LPCAT2: variants seen among roughly 807,000 people sequenced by gnomAD.
The protein encoded by LPCAT2 is lysophosphatidylcholine acyltransferase 2, also known as 1-AGP acyltransferase 11.
LPCAT2 carries 58 observed loss-of-function variants against 64.7 expected under a neutral mutation model. The observed-to-expected ratio is 0.90, with a 90% CI of 0.73 to 1.12. The LOEUF (loss-of-function observed/expected upper bound fraction) is 1.12, where lower values mean the gene tolerates loss of function less well. LPCAT2 is among the 50% of genes most tolerant of loss of function. LPCAT2 has a pLI of 0.00. For synonymous variants in LPCAT2, 252 were observed against 245.3 expected (o/e 1.03, Z -0.26); for missense variants, 579 against 669.8 (o/e 0.86, Z 1.50).
At chr16:55,516,799 T>C (rs1311163953) in intron 1 of LPCAT2, among the ~76,000 whole-genome samples, 1 of 152,190 alleles carries the variant, frequency 6.6e-6, no homozygotes, top group Non-Finnish European at 1.5e-5. Context: ...CTAACAGATA[T>C]GTATGTAGAA....
In LPCAT2 at chr16:55,528,465, A is replaced by C. The variant is rs1963204177; in HGVS notation, c.400A>C (p.Ser134Arg). ...AGTTGCTGTAAAAGGAAAGATTGCA[A>C]GTCCTTTGGAAGCACCAGTTTTTGT... Reference protein sequence around the residue: ...FIVAVKGKIASPLEAPVFVAA... With the variant: ...FIVAVKGKIARPLEAPVFVAA... Residue 134 changes from serine (S) to arginine (R), a missense_variant, in exon 3 of 14, where the codon AGT becomes CGT. Ser to Arg is a moderately radical substitution (Grantham distance 110). Transcript: ENST00000262134. 1.2e-6 allele frequency: 2 copies of C among 1,614,062 alleles called. No individual in the cohort carries two copies. Among genetic ancestry groups the C allele is most frequent in the Non-Finnish European group, 1.7e-6 (2 of 1,179,968 alleles).
chr16:55,567,692 C>G, intron 11 of LPCAT2: 1 of 611,624 alleles, frequency 1.6e-6, no homozygotes, highest in South Asian at 2.3e-5. Flanking sequence ...GAAAAATGTT[C>G]TGAGTGGTTT....
intron 11 of LPCAT2, among the ~76,000 whole-genome samples, chr16:55,572,802 C>T (rs745616650): frequency 5.9e-5 from 9 of 152,160 alleles, no homozygotes; most frequent in African/African-American, 9.6e-5. Context: ...CACTGCACTC[C>T]GGCCTGGGCA....
chr16:55,549,271 T>G lies in LPCAT2; in HGVS notation c.936-6T>G. ...TGAATTTTAGTTTGCTTCTTAATAC[T>G]TTTAGAGCTCTGGGAATACCAGTAA... On this transcript the variant is annotated splice_region_variant and splice_polypyrimidine_tract_variant and intron_variant, in intron 9 of 13. Transcript: ENST00000262134. The G allele has an allele frequency of 1.9e-6, 3 of 1,551,036 alleles. No individual in the cohort carries two copies. The highest frequency in any genetic ancestry group is 2.6e-6 in the Non-Finnish European group (3 of 1,156,196).
rs549974087 is a variant in LPCAT2, at chr16:55,529,888, C to T, written c.583C>T (p.Arg195Ter). ...GGTGTCCCGTGTAGATCCGGATTCC[C>T]GAAAAAACACAATAAATGAAATAAT... ...VLVSRVDPDS[R>*]KNTINEIIKR... Residue 195 changes from arginine (R) to a stop codon, truncating the protein, a stop_gained, in exon 4 of 14, where the codon CGA (arginine) becomes TGA (stop). Transcript: ENST00000262134. LOFTEE classifies it high-confidence loss of function. 85 of 1,592,922 alleles carry T rather than the reference C, an allele frequency of 5.3e-5. No individual in the cohort carries two copies. The African/African-American group carries it at 8.9e-4, about 17-fold the overall frequency.
intron 12 of LPCAT2, 79 bp downstream of exon 12, chr16:55,574,808 G>A: frequency 9.7e-7 from 1 of 1,032,006 alleles, no homozygotes; most frequent in Non-Finnish European, 1.5e-6. Flanking sequence ...TTGAAAATCA[G>A]TGAATCTATT....
At chr16:55,563,881 T>C (rs1003014220) in intron 11 of LPCAT2, among the ~76,000 whole-genome samples, 1 of 151,844 alleles carries the variant, frequency 6.6e-6, no homozygotes, top group African/African-American at 2.4e-5. Context: ...ATAAGAGGCA[T>C]ATGAAATAGA....
In LPCAT2 at chr16:55,525,591, A is replaced by T; in HGVS notation, c.255A>T (p.Ala85=). ...TATTACTTGCATGGCCATTTGCTGC[A>T]ATTTCAACAGTATGCTGTCCTGAAA... ...LILLLAWPFA[A]ISTVCCPEKL... The change falls in exon 2 of 14, where the codon GCA becomes GCT. Residue 85 remains alanine (A), a synonymous_variant. Coordinates refer to ENST00000262134, the MANE Select transcript of LPCAT2 (RefSeq NM_017839.5). The T allele has an allele frequency of 6.2e-7, 1 of 1,612,696 alleles. No individual in the cohort carries two copies. Among genetic ancestry groups the T allele is most frequent in the Admixed American group, 1.7e-5 (1 of 59,826 alleles).
intron 8 of LPCAT2, chr16:55,541,344 T>G (rs1963394162): frequency 6.6e-6 from 1 of 152,148 alleles, no homozygotes; most frequent in Admixed American, 6.6e-5. Context: ...CAATTAATAA[T>G]GAGTATTATG....
At chr16:55,546,733 G>A (rs1222343569) in intron 9 of LPCAT2, among the ~76,000 whole-genome samples, 2 of 152,238 alleles carry the variant, frequency 1.3e-5, no homozygotes, top group East Asian at 3.9e-4. Context: ...ATATAGATGT[G>A]CTTGTTTTAT....
chr16:55,581,644 T>G (rs2142427613), intron 13 of LPCAT2, among the ~76,000 whole-genome samples: 1 of 152,316 alleles, frequency 6.6e-6, no homozygotes, highest in South Asian at 2.1e-4. Flanking sequence ...TTTTTAAAAG[T>G]AAATGTATAG....
intron 1 of LPCAT2, among the ~76,000 whole-genome samples, chr16:55,514,841 A>T (rs1455585579): frequency 6.6e-6 from 1 of 151,938 alleles, no homozygotes; most frequent in African/African-American, 2.4e-5. Flanking sequence ...AAAAGAAAGT[A>T]TGGAGCAGGG....
At chr16:55,536,971 C>T (rs554386971) in intron 7 of LPCAT2, among the ~76,000 whole-genome samples, 5 of 152,054 alleles carry the variant, frequency 3.3e-5, no homozygotes, top group African/African-American at 1.2e-4. Context: ...ATAAAGCTTC[C>T]ACTTTTAAGG....
chr16:55,557,809 C>T (rs1178880438), intron 11 of LPCAT2, among the ~76,000 whole-genome samples: 1 of 152,154 alleles, frequency 6.6e-6, no homozygotes, highest in Non-Finnish European at 1.5e-5. Flanking sequence ...CTTGGTTCGT[C>T]TACAAAAACT....
chr16:55,525,591 A>G lies in LPCAT2; in HGVS notation c.255A>G (p.Ala85=), dbSNP rs1300344333. Residue 85 remains alanine, a synonymous_variant, in exon 2 of 14, where the codon GCA becomes GCG. Transcript: ENST00000262134. ...LILLLAWPFA[A]ISTVCCPEKL... ...TATTACTTGCATGGCCATTTGCTGC[A>G]ATTTCAACAGTATGCTGTCCTGAAA... is the stretch of plus-strand genomic sequence containing the variant. 2.5e-6 allele frequency: 4 copies of G among 1,612,696 alleles called. No individual in the cohort carries two copies. The highest frequency in any genetic ancestry group is 3.4e-6 in the Non-Finnish European group (4 of 1,179,232).
At chr16:55,511,162 T>C (rs1183962016) in intron 1 of LPCAT2, among the ~76,000 whole-genome samples, 2 of 152,212 alleles carry the variant, frequency 1.3e-5, no homozygotes, top group African/African-American at 4.8e-5. Context: ...TAATCTGTTA[T>C]TGTTTGTTGA....
intron 6 of LPCAT2, among the ~76,000 whole-genome samples, chr16:55,533,328 G>A (rs375758187): frequency 2.7e-5 from 4 of 150,892 alleles, no homozygotes; most frequent in East Asian, 1.9e-4. Context: ...CTTACTAATT[G>A]TGTGAGCCTT....
intron 3 of LPCAT2, among the ~76,000 whole-genome samples, chr16:55,529,286 T>A (rs1342610195): frequency 6.6e-6 from 1 of 152,096 alleles, no homozygotes; most frequent in Non-Finnish European, 1.5e-5. Flanking sequence ...TTCTTGCAGC[T>A]TTGTCATTCA....
chr16:55,551,262 T>A, intron 11 of LPCAT2, 160 bp downstream of exon 11: 1 of 426,432 alleles, frequency 2.3e-6, no homozygotes, highest in Non-Finnish European at 4.1e-6. Flanking sequence ...TCCTTAATAG[T>A]AATATTAATA....
Sources: allele counts gnomAD v4.1 joint callset (sites outside exome capture counted in the v4.1 genomes callset), GRCh38; gene constraint gnomAD v4.1.1; transcripts MANE v1.5; gene names NCBI Gene and HGNC (gene_info 2026-07-23, HGNC 2026-07-21).